ROBO2: variants seen among roughly 807,000 people sequenced by gnomAD.
The protein encoded by ROBO2 is roundabout homolog 2.
A neutral mutation model predicts 160.8 loss-of-function variants in ROBO2; 53 were observed. The ratio of observed to expected loss-of-function variants is 0.33; its 90% CI spans 0.26 to 0.41. ROBO2 has a LOEUF of 0.41. Ranked by LOEUF, ROBO2 falls within the 10% of genes least tolerant of loss-of-function variation. The pLI is 1.00. For missense variants in ROBO2, 1,577 were observed against 1,722.4 expected (o/e 0.92, Z 1.49); for synonymous variants, 664 against 611.7 (o/e 1.09, Z -1.26).
At chr3:76,403,076 C>T (rs2077933622) in intron 2 of ROBO2, among the ~76,000 whole-genome samples, 1 of 151,536 alleles carries the variant, frequency 6.6e-6, no homozygotes, top group Non-Finnish European at 1.5e-5. Flanking sequence ...TAGATACATA[C>T]AACTTTGGAA....
intron 2 of ROBO2, among the ~76,000 whole-genome samples, chr3:76,337,313 C>G (rs2073956051): frequency 6.6e-6 from 1 of 152,128 alleles, no homozygotes; most frequent in Admixed American, 6.6e-5. Flanking sequence ...CTCTCCCCTG[C>G]TGTAATAATA....
intron 19 of ROBO2, among the ~76,000 whole-genome samples, chr3:77,597,850 T>C (rs1490662490): frequency 2.6e-5 from 4 of 151,956 alleles, no homozygotes; most frequent in African/African-American, 4.8e-5. Context: ...TGGTAAGAAA[T>C]ATAGAAGGAT....
chr3:76,848,473 G>T (rs1272886179), intron 2 of ROBO2, among the ~76,000 whole-genome samples: 5 of 152,106 alleles, frequency 3.3e-5, no homozygotes, highest in African/African-American at 7.2e-5. Context: ...AAGCACAGCT[G>T]GTACAAGTTT....
In ROBO2 at chr3:77,021,267, A is replaced by C. The variant is rs568520922; in HGVS notation, c.110-76747A>C. Among the ~76,000 whole-genome samples the C allele has an allele frequency of 5.9e-5, 9 of 152,220 alleles. No individual in the cohort carries two copies. In the South Asian group the frequency reaches 1.9e-3, roughly 32 times the overall value. ...GTGCTGTGGCATGCTGAGTACTTTG[A>C]ACTAAGGGATATTAGAATGCCTTCA... On this transcript the variant is annotated intron_variant, in intron 2 of 26. Transcript: ENST00000487694.
intron 2 of ROBO2, among the ~76,000 whole-genome samples, chr3:77,263,177 T>C (rs994959496): frequency 6.6e-6 from 1 of 152,190 alleles, no homozygotes; most frequent in African/African-American, 2.4e-5. Flanking sequence ...AAGCCACATT[T>C]CAAATAGACA....
At chr3:77,335,421 CA>C (rs2066395941) in intron 2 of ROBO2, among the ~76,000 whole-genome samples, 1 of 151,884 alleles carries the variant, frequency 6.6e-6, no homozygotes, top group African/African-American at 2.4e-5. Context: ...CACGAACAAA[CA>C]AAAAAAGCAG....
intron 2 of ROBO2, among the ~76,000 whole-genome samples, chr3:76,071,681 A>G (rs2068459736): frequency 6.6e-6 from 1 of 152,158 alleles, no homozygotes; most frequent in Non-Finnish European, 1.5e-5. Flanking sequence ...TAGAAAAATT[A>G]AGGAATGATA....
intron 1 of ROBO2, among the ~76,000 whole-genome samples, chr3:77,096,283 C>G: frequency 6.6e-6 from 1 of 152,054 alleles, no homozygotes; most frequent in East Asian, 1.9e-4. Flanking sequence ...ATGGTGATTC[C>G]TCTCAGCATC....
chr3:77,550,766 A>T, intron 7 of ROBO2, 52 bp from the exon 9 acceptor site: 5 of 1,585,900 alleles, frequency 3.2e-6, no homozygotes, highest in Non-Finnish European at 4.3e-6. Flanking sequence ...TTATTCACAT[A>T]ATTTTTTTAA....
intron 2 of ROBO2, among the ~76,000 whole-genome samples, chr3:76,671,503 A>T (rs1046092264): frequency 2.0e-5 from 3 of 152,158 alleles, no homozygotes; most frequent in African/African-American, 4.8e-5. Flanking sequence ...ACTTCTCAGG[A>T]AATATAATTT....
At chr3:77,530,472 A>T (rs925258781) in intron 6 of ROBO2, among the ~76,000 whole-genome samples, 1 of 152,044 alleles carries the variant, frequency 6.6e-6, no homozygotes, top group Non-Finnish European at 1.5e-5. Flanking sequence ...AACTCCTTGC[A>T]GTCACAGTTG....
At chr3:76,405,876 A>T (rs1349133903) in intron 2 of ROBO2, among the ~76,000 whole-genome samples, 2 of 151,746 alleles carry the variant, frequency 1.3e-5, no homozygotes, top group Non-Finnish European at 2.9e-5. Flanking sequence ...GCCTTTTGAA[A>T]ATGATTTGCT....
chr3:76,804,975 A>G (rs561567826), intron 2 of ROBO2, among the ~76,000 whole-genome samples: 2 of 152,292 alleles, frequency 1.3e-5, no homozygotes, highest in African/African-American at 2.4e-5. Flanking sequence ...AAAATCAATG[A>G]TGTTAAATAT....
intron 2 of ROBO2, among the ~76,000 whole-genome samples, chr3:76,546,507 A>C (rs2083109861): frequency 6.6e-6 from 1 of 151,862 alleles, no homozygotes. Context: ...GAGTATCTTG[A>C]GTTGTCCAGG....
At chr3:76,323,178 C>G (rs1180458090) in intron 2 of ROBO2, among the ~76,000 whole-genome samples, 2 of 150,640 alleles carry the variant, frequency 1.3e-5, no homozygotes. Context: ...CACACACACC[C>G]CTAAAGGCTA....
intron 2 of ROBO2, among the ~76,000 whole-genome samples, chr3:76,533,084 G>T (rs1438837205): frequency 6.6e-6 from 1 of 152,156 alleles, no homozygotes; most frequent in African/African-American, 2.4e-5. Context: ...TCAGAGGGGA[G>T]GCTATTAAAT....
chr3:76,171,298 T>G (rs935802701), intron 2 of ROBO2, among the ~76,000 whole-genome samples: 2 of 151,040 alleles, frequency 1.3e-5, no homozygotes, highest in Non-Finnish European at 2.9e-5. Context: ...CCAAATCTCC[T>G]TCTCCCAAAA....
intron 9 of ROBO2, among the ~76,000 whole-genome samples, chr3:77,561,203 G>A (rs144297634): frequency 2.0e-3 from 306 of 152,264 alleles, no homozygotes; most frequent in South Asian, 3.7e-3. Flanking sequence ...AGAATCAATC[G>A]AGAAAGCTTG....
Position 77,394,185 on chromosome 3 carries a change from A to T in ROBO2, c.389-83229A>T, listed in dbSNP as rs77880019. 4.4e-3 allele frequency among the ~76,000 whole-genome samples: 671 copies of T among 152,264 alleles called. 4 individuals are homozygous for T. The highest frequency in any genetic ancestry group is 0.02 in the Middle Eastern group (6 of 294). On this transcript the variant is annotated intron_variant, in intron 2 of 25. Transcript: ENST00000461745. Reference sequence around the variant, plus strand: ...TGGAAGCTAGCATCCATCTTCCATAAAAAAGCAATCGTGCTTTTCCCTGCT... The same window carrying T: ...TGGAAGCTAGCATCCATCTTCCATATAAAAGCAATCGTGCTTTTCCCTGCT...
Sources: gnomAD v4.1 joint callset for allele counts (sites outside exome capture counted in the v4.1 genomes callset) on GRCh38, gnomAD v4.1.1 for gene constraint, MANE v1.5 for transcripts, NCBI Gene and HGNC (gene_info 2026-07-23, HGNC 2026-07-21) for gene names.